The following CNRIP1 variants were observed in gnomAD, a reference collection of about 807,000 sequenced individuals.
CNRIP1 encodes the protein CB1 cannabinoid receptor-interacting protein 1.
CNRIP1 carries 10 observed loss-of-function variants against 15.2 expected under a neutral mutation model. That is an observed-to-expected ratio of 0.66 (90% confidence interval 0.41 to 1.12). The LOEUF is 1.12. CNRIP1 is among the 50% of genes most tolerant of loss of function. The probability of loss-of-function intolerance (pLI) is 0.00; values close to 1 mark genes in which losing one functional copy is unlikely to be tolerated. For missense variants in CNRIP1, 211 were observed against 214.7 expected, an observed-to-expected ratio of 0.98 and a Z score of 0.11; for synonymous variants, 91 against 83.2, an observed-to-expected ratio of 1.09 and a Z score of -0.51.
intron 2 of CNRIP1, among the ~76,000 whole-genome samples, chr2:68,298,518 A>C (rs1217359175): frequency 6.6e-6 from 1 of 152,226 alleles, no homozygotes; most frequent in East Asian, 1.9e-4. Context: ...GTCTAAAAAA[A>C]TTTTCAAAAG....
At chr2:68,304,819 T>C (rs1413550660) in intron 2 of CNRIP1, among the ~76,000 whole-genome samples, 2 of 152,268 alleles carry the variant, frequency 1.3e-5, no homozygotes, top group East Asian at 3.9e-4. Flanking sequence ...ATTGAAAATA[T>C]AGGTTTTCTG....
At chr2:68,317,092 GTTTTC>G (rs781691547) in intron 2 of CNRIP1, 60 bp downstream of exon 2, 2 of 1,583,774 alleles carry the variant, frequency 1.3e-6, no homozygotes, top group African/African-American at 1.3e-5. Flanking sequence ...GATAGTGATT[GTTTTC>G]TTTTCTGTGG....
chr2:68,306,124 C>CAAAAAAAAAAAAAAAAA lies in CNRIP1; in HGVS notation c.330+11016_330+11032dup, dbSNP rs61586261. ...CTGGGCAGCAGAGACCCCACCTCTA[C>CAAAAAAAAAAAAAAAAA]AAAAAAAAAAAAAAAAAAAAAAAAA... On this transcript the variant is annotated intron_variant, in intron 2 of 2. Transcript: ENST00000263655. 9.1e-4 allele frequency among the ~76,000 whole-genome samples: 23 copies of CAAAAAAAAAAAAAAAAA among 25,340 alleles called. 3 individuals carry two copies. Among genetic ancestry groups the CAAAAAAAAAAAAAAAAA allele is most frequent in the South Asian group, 2.9e-3 (1 of 340 alleles). The allele number at this position is 25,340 out of a possible 152,430, so 16.6% of individuals were successfully genotyped here. A position where few individuals can be genotyped will look rare whatever the true frequency, so the allele number is the denominator to read the frequency against.
intron 2 of CNRIP1, among the ~76,000 whole-genome samples, chr2:68,303,006 C>G (rs1671672511): frequency 6.6e-6 from 1 of 151,904 alleles, no homozygotes; most frequent in African/African-American, 2.4e-5. Context: ...CGCTACCTCG[C>G]CCGGCTAATT....
In CNRIP1 at chr2:68,319,596, G is replaced by GC. The variant is rs999664660; in HGVS notation, c.-197dup. ...TTGAGGAGCAGCTCCTTAGGCTGTG[G>GC]CCCCCCTCCCCACTCGGCGAGGAAG... On this transcript the variant is annotated 5_prime_UTR_variant, in exon 1 of 3. An upstream open reading frame in the 5' UTR loses its in-frame stop. Coordinates refer to ENST00000263655, the MANE Select transcript of CNRIP1 (RefSeq NM_015463.3). 1.4e-4 allele frequency: 76 copies of GC among 533,588 alleles called. No homozygotes were observed. Among genetic ancestry groups the GC allele is most frequent in the African/African-American group, 1.3e-3 (65 of 49,242 alleles). The allele number at this position is 533,588 out of a possible 1,614,324, so 33.1% of individuals were successfully genotyped here. A position where few individuals can be genotyped will look rare whatever the true frequency, so the allele number is the denominator to read the frequency against.
chr2:68,284,372 T>C, exon 3 of CNRIP1: 6 of 1,096,480 alleles, frequency 5.5e-6, no homozygotes, highest in Non-Finnish European at 7.2e-6. Context: ...GCAAATAATT[T>C]GGAAAAAAAA....
At chr2:68,294,712 C>T (rs1671284420) in intron 2 of CNRIP1, among the ~76,000 whole-genome samples, 1 of 152,082 alleles carries the variant, frequency 6.6e-6, no homozygotes, top group African/African-American at 2.4e-5. Context: ...TGTTAAAGGC[C>T]ATATTTTAAC....
chr2:68,301,681 G>A lies in CNRIP1; in HGVS notation c.331-7655C>T, dbSNP rs575252477. 6.6e-5 allele frequency among the ~76,000 whole-genome samples: 10 copies of A among 152,208 alleles called. No individual in the cohort carries two copies. The East Asian group carries it at 1.7e-3, about 27-fold the overall frequency. The stretch of plus-strand genomic sequence containing the variant: ...CCGAGGCGGGTGGATCAAGAGGTCA[G>A]GAGATCGAGACCATCCTGGCTAACA... On this transcript the variant is annotated intron_variant, in intron 2 of 2. Transcript: ENST00000263655.
intron 2 of CNRIP1, chr2:68,316,412 G>T (rs955140999): frequency 6.6e-6 from 1 of 152,182 alleles, no homozygotes; most frequent in Admixed American, 6.5e-5. Flanking sequence ...AGGCTGCCCA[G>T]TTTGCAAGCA....
Position 68,319,207 on chromosome 2 carries a change from G to A in CNRIP1, c.179+15C>T, listed in dbSNP as rs755093055. 69 of 1,533,390 alleles carry A rather than the reference G, an allele frequency of 4.5e-5. 1 individual carries two copies. The highest frequency in any genetic ancestry group is 3.9e-4 in the South Asian group (32 of 82,628). The allele number at this position is 1,533,390 out of a possible 1,614,324, so 95.0% of individuals were successfully genotyped here. A position where few individuals can be genotyped will look rare whatever the true frequency, so the allele number is the denominator to read the frequency against. ...CCATGGGGGACCCTGCTGCCACCAG[G>A]CGCCCCGCACTCACTCGACCTGCAG... is the stretch of plus-strand genomic sequence containing the variant. On this transcript the variant is annotated intron_variant, in intron 1 of 2. Coordinates refer to ENST00000263655, the MANE Select transcript of CNRIP1 (RefSeq NM_015463.3).
chr2:68,285,386 T>A (rs1323707233), intron 2 of CNRIP1, among the ~76,000 whole-genome samples: 1 of 152,216 alleles, frequency 6.6e-6, no homozygotes, highest in African/African-American at 2.4e-5. Flanking sequence ...AATGTCTTCA[T>A]ACAATCAATC....
At chr2:68,286,882 G>A (rs1671044930) in intron 2 of CNRIP1, among the ~76,000 whole-genome samples, 1 of 152,104 alleles carries the variant, frequency 6.6e-6, no homozygotes, top group African/African-American at 2.4e-5. Flanking sequence ...TTTTAAAAAT[G>A]GAAATCATAT....
chr2:68,319,322 C>A lies in CNRIP1; in HGVS notation c.79G>T (p.Val27Leu). Reference sequence around the variant, plus strand: ...TTCTGGCCGAAGCGCTGCCCGTCCACCTTGTAAAAGACCGGGCCGTCATTA... The same window carrying A: ...TTCTGGCCGAAGCGCTGCCCGTCCAACTTGTAAAAGACCGGGCCGTCATTA... ...QPNDGPVFYKVDGQRFGQNRT... is the reference protein window; with the variant it reads ...QPNDGPVFYKLDGQRFGQNRT... Residue 27 changes from valine (V) to leucine (L), a missense_variant, in exon 1 of 3, where the codon GTG (valine) becomes TTG (leucine). Coordinates refer to ENST00000263655, the MANE Select transcript of CNRIP1 (RefSeq NM_015463.3). 6.4e-7 allele frequency: 1 copy of A among 1,565,108 alleles called. No individual in the cohort carries two copies. Among genetic ancestry groups the A allele is most frequent in the Non-Finnish European group, 8.7e-7 (1 of 1,154,544 alleles).
intron 2 of CNRIP1, among the ~76,000 whole-genome samples, chr2:68,286,317 A>AACACAC (rs3039882): frequency 6.7e-6 from 1 of 149,622 alleles, no homozygotes; most frequent in African/African-American, 2.5e-5. Context: ...GGACCTTACG[A>AACACAC]ACACACACAC....
intron 2 of CNRIP1, among the ~76,000 whole-genome samples, chr2:68,304,464 A>G (rs1443772521): frequency 6.6e-6 from 1 of 152,044 alleles, no homozygotes; most frequent in Non-Finnish European, 1.5e-5. Flanking sequence ...GTATGTTTTA[A>G]GAAAAAGGTC....
chr2:68,311,893 A>G lies in CNRIP1; in HGVS notation c.330+5264T>C, dbSNP rs1271772003. Among the ~76,000 whole-genome samples, 4 of 152,086 alleles carry G rather than the reference A, an allele frequency of 2.6e-5. No homozygotes were observed. In the South Asian group the frequency reaches 8.3e-4, roughly 32 times the overall value. On this transcript the variant is annotated intron_variant, in intron 2 of 2. Coordinates refer to ENST00000263655, the MANE Select transcript of CNRIP1 (RefSeq NM_015463.3). The stretch of plus-strand genomic sequence containing the variant: ...GATTATAAACAACTTTATGGGAATA[A>G]AGTTGAAAATTTAATTGAAATAAAT...
intron 2 of CNRIP1, among the ~76,000 whole-genome samples, chr2:68,300,472 C>T (rs1403430256): frequency 6.6e-6 from 1 of 151,970 alleles, no homozygotes; most frequent in East Asian, 1.9e-4. Context: ...CAAAAATTAG[C>T]CGGGCGTGGT....
intron 2 of CNRIP1, among the ~76,000 whole-genome samples, chr2:68,308,558 C>G (rs1671953465): frequency 6.6e-6 from 1 of 151,608 alleles, no homozygotes; most frequent in Non-Finnish European, 1.5e-5. Flanking sequence ...TTTAACTTTC[C>G]CACCTTATTT....
At chr2:68,291,208 C>T (rs140167968), downstream of CNRIP1, among the ~76,000 whole-genome samples, 1 of 152,272 alleles carries the variant, frequency 6.6e-6, no homozygotes, top group Non-Finnish European at 1.5e-5. Flanking sequence ...CCATCTCCTC[C>T]CCAACTCCCT....
Sources: gnomAD v4.1 joint callset for allele counts (sites outside exome capture counted in the v4.1 genomes callset) on GRCh38, gnomAD v4.1.1 for gene constraint, MANE v1.5 for transcripts, NCBI Gene and HGNC (gene_info 2026-07-23, HGNC 2026-07-21) for gene names.